The following CACNB2 variants were observed in gnomAD, a reference collection of about 807,000 sequenced individuals.
CACNB2 encodes calcium voltage-gated channel auxiliary subunit beta 2, also known as voltage-dependent L-type calcium channel subunit beta-2.
Under a neutral mutation model 73.3 loss-of-function variants are expected in CACNB2, and 42 were observed. That is an observed-to-expected ratio of 0.57 (90% CI 0.45 to 0.74). The LOEUF is 0.74. Ranked by LOEUF, CACNB2 falls within the 30% of genes least tolerant of loss-of-function variation. The pLI, the probability that CACNB2 is intolerant of heterozygous loss-of-function variation, is 0.00. For missense variants in CACNB2, 940 were observed against 853.0 expected (o/e 1.10, Z -1.27); for synonymous variants, 348 against 310.3 (o/e 1.12, Z -1.28).
rs2033927458 is a variant in CACNB2, at chr10:18,182,318, C to T, written c.213+31343C>T. On this transcript the variant is annotated intron_variant, in intron 2 of 13. Transcript: ENST00000324631. ...CCAGCCTGGGCAACAGAGCAAGACT[C>T]CACCTCAAAAAAAAATTTTTTTTTG... Among the ~76,000 whole-genome samples, 3 of 151,498 alleles carry T rather than the reference C, an allele frequency of 2.0e-5. No homozygotes were observed. The South Asian group carries it at 6.3e-4, about 32-fold the overall frequency.
At chr10:18,528,569 T>G (rs1303654573) in intron 10 of CACNB2, among the ~76,000 whole-genome samples, 1 of 152,218 alleles carries the variant, frequency 6.6e-6, no homozygotes, top group African/African-American at 2.4e-5. Flanking sequence ...AGTTCTTCGT[T>G]TACTCTGAAG....
At chr10:18,254,118 A>C (rs2037189490) in intron 2 of CACNB2, among the ~76,000 whole-genome samples, 1 of 152,188 alleles carries the variant, frequency 6.6e-6, no homozygotes, top group African/African-American at 2.4e-5. Flanking sequence ...TCAGGGAGGA[A>C]AGGAAAAAGG....
At chr10:18,323,308 C>A (rs574043803) in intron 2 of CACNB2, among the ~76,000 whole-genome samples, 5 of 152,130 alleles carry the variant, frequency 3.3e-5, no homozygotes, top group South Asian at 4.2e-4. Flanking sequence ...CATCCCTAAG[C>A]AAAGTGGAGT....
intron 2 of CACNB2, among the ~76,000 whole-genome samples, chr10:18,266,436 A>C (rs2037803902): frequency 6.6e-6 from 1 of 152,212 alleles, no homozygotes. Flanking sequence ...TTGGGTATAA[A>C]AATCAATTAT....
intron 2 of CACNB2, among the ~76,000 whole-genome samples, chr10:18,295,277 TA>T (rs2039229496): frequency 1.3e-5 from 2 of 152,202 alleles, no homozygotes. Flanking sequence ...TCTTTGAGTA[TA>T]AAAATCCTTC....
At chr10:18,233,243 A>G (rs7090146) in intron 2 of CACNB2, among the ~76,000 whole-genome samples, 7,155 of 152,274 alleles carry the variant, frequency 0.047, 592 homozygotes, top group African/African-American at 0.16. Context: ...CTGTCATCCC[A>G]GAGGACACTG....
chr10:18,166,576 G>A (rs748357807), intron 2 of CACNB2, among the ~76,000 whole-genome samples: 26 of 152,230 alleles, frequency 1.7e-4, no homozygotes, highest in Admixed American at 8.5e-4. Flanking sequence ...ATATGCTTAA[G>A]AGATTAGATA....
chr10:18,188,494 A>G (rs2034254780), intron 2 of CACNB2, among the ~76,000 whole-genome samples: 1 of 151,964 alleles, frequency 6.6e-6, no homozygotes, highest in African/African-American at 2.4e-5. Flanking sequence ...TTATAGAGAC[A>G]GGGTCTTACT....
chr10:18,379,035 T>C (rs1183045328), intron 2 of CACNB2, among the ~76,000 whole-genome samples: 1 of 152,146 alleles, frequency 6.6e-6, no homozygotes, highest in Non-Finnish European at 1.5e-5. Flanking sequence ...ATCCATTTGC[T>C]TACTAGAGAG....
intron 2 of CACNB2, among the ~76,000 whole-genome samples, chr10:18,227,560 CAA>C (rs1383851239): frequency 1.3e-5 from 2 of 152,122 alleles, no homozygotes; most frequent in African/African-American, 4.8e-5. Context: ...GCTGAGAAAT[CAA>C]AGAGACAGTT....
chr10:18,156,873 AG>A (rs1436579301), intron 2 of CACNB2, among the ~76,000 whole-genome samples: 37 of 128,806 alleles, frequency 2.9e-4, no homozygotes, highest in East Asian at 1.1e-3. Context: ...TACTAAAAGT[AG>A]AAAAAAAAAA....
chr10:18,306,024 T>A (rs188019967), intron 2 of CACNB2, among the ~76,000 whole-genome samples: 4 of 151,792 alleles, frequency 2.6e-5, no homozygotes, highest in African/African-American at 9.7e-5. Flanking sequence ...AGAAACAGGG[T>A]CCTGCTTCAC....
At chr10:18,188,091 C>T (rs1288389712) in intron 2 of CACNB2, among the ~76,000 whole-genome samples, 3 of 152,064 alleles carry the variant, frequency 2.0e-5, no homozygotes, top group Non-Finnish European at 2.9e-5. Flanking sequence ...ACAAATGTAC[C>T]ACCAGAAATT....
intron 2 of CACNB2, among the ~76,000 whole-genome samples, chr10:18,276,763 G>C (rs1313716290): frequency 6.6e-6 from 1 of 152,114 alleles, no homozygotes; most frequent in Non-Finnish European, 1.5e-5. Context: ...ATTTTTAGTA[G>C]AGACAGGGTT....
intron 3 of CACNB2, among the ~76,000 whole-genome samples, chr10:18,485,629 T>G (rs934236596): frequency 6.7e-6 from 1 of 150,030 alleles, no homozygotes; most frequent in African/African-American, 2.5e-5. Context: ...TGGAACAATC[T>G]TGGCTCACTG....
At chr10:18,142,211 A>C (rs61466775) in intron 1 of CACNB2, among the ~76,000 whole-genome samples, 11 of 152,242 alleles carry the variant, frequency 7.2e-5, no homozygotes, top group Non-Finnish European at 1.2e-4. Flanking sequence ...CTTAAAACAC[A>C]TAATTCACTT....
chr10:18,458,952 A>G (rs2047423431), intron 3 of CACNB2, among the ~76,000 whole-genome samples: 1 of 151,786 alleles, frequency 6.6e-6, no homozygotes, highest in African/African-American at 2.4e-5. Flanking sequence ...TTTTGTAGAG[A>G]TGGGTTTTCA....
chr10:18,540,031 G>GT lies in CACNB2; in HGVS notation c.*311dup, dbSNP rs1478421709. 1 of 308,250 alleles carries GT rather than the reference G, an allele frequency of 3.2e-6. No individual in the cohort carries two copies. The allele number at this position is 308,250 out of a possible 1,614,324, so 19.1% of individuals were successfully genotyped here. A position where few individuals can be genotyped will look rare whatever the true frequency, so the allele number is the denominator to read the frequency against. ...CTGTTGCCACCCAGGTGATGTTAGT[G>GT]TTTTAAGAAATGTAGTTGATGTATC... is the stretch of plus-strand genomic sequence containing the variant. On this transcript the variant is annotated 3_prime_UTR_variant, in exon 14 of 14. Transcript: ENST00000324631.
chr10:18,423,321 G>A (rs4748463), intron 3 of CACNB2, among the ~76,000 whole-genome samples: 85,354 of 152,014 alleles, frequency 0.56, 24,487 homozygotes, highest in East Asian at 0.77. Flanking sequence ...TGGAGATAAC[G>A]TGAAGAGCTC....
Sources: allele counts gnomAD v4.1 joint callset (sites outside exome capture counted in the v4.1 genomes callset), GRCh38; gene constraint gnomAD v4.1.1; transcripts MANE v1.5; gene names NCBI Gene and HGNC (gene_info 2026-07-23, HGNC 2026-07-21).